Variants in CDIN1 observed in about 807,000 individuals in gnomAD.
CDIN1 encodes the protein CDAN1-interacting nuclease 1.
CDIN1 carries 33 observed loss-of-function variants against 45.3 expected under a neutral mutation model. The ratio of observed to expected loss-of-function variants is 0.73; its 90% confidence interval spans 0.55 to 0.97. CDIN1 has a LOEUF of 0.97. CDIN1 is among the 50% of genes least tolerant of loss of function. The pLI, the probability that CDIN1 is intolerant of heterozygous loss-of-function variation, is 0.00. For synonymous variants in CDIN1, 118 were observed against 124.4 expected (o/e 0.95, Z 0.34); for missense variants, 303 against 339.4 (o/e 0.89, Z 0.84).
intron 8 of CDIN1, 99 bp from the exon 9 acceptor site, chr15:36,709,124 G>T: frequency 1.0e-5 from 10 of 962,934 alleles, no homozygotes; most frequent in Non-Finnish European, 1.3e-5. Context: ...TATGACTACA[G>T]TAGTAATTTT....
chr15:36,745,149 G>GA (rs888499836), intron 10 of CDIN1, among the ~76,000 whole-genome samples: 2 of 151,962 alleles, frequency 1.3e-5, no homozygotes, highest in Admixed American at 1.3e-4. Context: ...AAACTAAAGG[G>GA]AAAAAATTGC....
intron 10 of CDIN1, chr15:36,734,356 C>G: frequency 2.3e-6 from 1 of 430,604 alleles, no homozygotes; most frequent in Non-Finnish European, 4.6e-6. Flanking sequence ...TATAAGAATT[C>G]CAGAGGTACT....
intron 4 of CDIN1, among the ~76,000 whole-genome samples, chr15:36,657,142 T>C (rs1400678444): frequency 6.6e-6 from 1 of 152,168 alleles, no homozygotes; most frequent in African/African-American, 2.4e-5. Flanking sequence ...ACTGGTTCTT[T>C]ATTTTAAAAA....
rs754728175 is a variant in CDIN1 at position 36,691,686 on chromosome 15, C to T, written c.348C>T (p.Pro116=). Residue 116 remains proline, a splice_region_variant and synonymous_variant, in exon 6 of 11, where the codon CCC becomes CCT. Coordinates refer to ENST00000566621, the MANE Select transcript of CDIN1 (RefSeq NM_001321759.2). ...RFLQEHEETP[P]SKSIINSMLR... Reference sequence around the variant, plus strand: ...CAGTTCATCTCTTTTCTTCTACAGCCTCCAAGTCTATTATAAATAGTATGC... The same window carrying T: ...CAGTTCATCTCTTTTCTTCTACAGCTTCCAAGTCTATTATAAATAGTATGC... 1.3e-5 allele frequency: 20 copies of T among 1,590,000 alleles called. No individual in the cohort carries two copies. The highest frequency in any genetic ancestry group is 1.5e-5 in the Non-Finnish European group (18 of 1,164,592).
In CDIN1 at chr15:36,660,495, A is replaced by G. The variant is rs371640570; in HGVS notation, c.346+2590A>G. Among the ~76,000 whole-genome samples the G allele has an allele frequency of 4.6e-5, 7 of 152,320 alleles. No individual in the cohort carries two copies. The South Asian group carries it at 1.0e-3, about 23-fold the overall frequency. On this transcript the variant is annotated intron_variant, in intron 5 of 10. Coordinates refer to ENST00000566621, the MANE Select transcript of CDIN1 (RefSeq NM_001321759.2). ...TCTGTAAAAAGGTATAGCTAATAGC[A>G]TGGGACATATAAGCCATGTAATTTT... is the stretch of plus-strand genomic sequence containing the variant.
intron 1 of CDIN1, among the ~76,000 whole-genome samples, chr15:36,580,285 A>G (rs2140144244): frequency 6.6e-6 from 1 of 152,344 alleles, no homozygotes; most frequent in South Asian, 2.1e-4. Flanking sequence ...ATTGACAGAT[A>G]GTAGGAATGA....
At chr15:36,593,853 C>T (rs6495858) in intron 1 of CDIN1, among the ~76,000 whole-genome samples, 89,726 of 151,510 alleles carry the variant, frequency 0.59, 26,721 homozygotes, top group Middle Eastern at 0.68. Flanking sequence ...CTTGAGCCAC[C>T]GCGCCTGGCT....
rs371600052 is a variant in CDIN1, at chr15:36,686,645, C to T, written c.347-5040C>T. ...TTGTAATCTCAGCACTTTCGGAGGC[C>T]GAGGCAGGTGAATCACTTGAGCCCA... On this transcript the variant is annotated intron_variant, in intron 5 of 10. Coordinates refer to ENST00000566621, the MANE Select transcript of CDIN1 (RefSeq NM_001321759.2). 2.5e-4 allele frequency among the ~76,000 whole-genome samples: 38 copies of T among 150,856 alleles called. No homozygotes were observed. In the East Asian group the frequency reaches 3.5e-3, roughly 14 times the overall value.
At chr15:36,618,950 A>T (rs2039026125) in intron 1 of CDIN1, 2 of 1,552,280 alleles carry the variant, frequency 1.3e-6, no homozygotes, top group African/African-American at 2.8e-5. Flanking sequence ...AAGTTAAGTT[A>T]TGCTGAAGTG....
chr15:36,701,945 T>C (rs2042661119), intron 8 of CDIN1: 1 of 647,316 alleles, frequency 1.5e-6, no homozygotes, highest in Non-Finnish European at 2.8e-6. Context: ...GCTGCTTTAT[T>C]CCTCACCTGA....
chr15:36,699,122 T>A (rs1250671909), intron 8 of CDIN1, among the ~76,000 whole-genome samples: 2 of 152,176 alleles, frequency 1.3e-5, no homozygotes, highest in Non-Finnish European at 2.9e-5. Flanking sequence ...TAAAAATAAA[T>A]GAAATATAGG....
chr15:36,637,643 T>A (rs533103671), intron 1 of CDIN1, among the ~76,000 whole-genome samples: 4 of 152,310 alleles, frequency 2.6e-5, no homozygotes, highest in East Asian at 1.9e-4. Context: ...TGCGTGTGAA[T>A]GTACACCAAG....
At chr15:36,732,485 C>T (rs1402531371) in intron 10 of CDIN1, among the ~76,000 whole-genome samples, 1 of 152,056 alleles carries the variant, frequency 6.6e-6, no homozygotes, top group Non-Finnish European at 1.5e-5. Flanking sequence ...TTAGGCATGA[C>T]AATGCCATTG....
intron 10 of CDIN1, among the ~76,000 whole-genome samples, chr15:36,738,678 G>C (rs961598126): frequency 1.3e-5 from 2 of 152,126 alleles, no homozygotes; most frequent in Non-Finnish European, 2.9e-5. Context: ...TCCAAAGTCA[G>C]ACACATCACC....
intron 1 of CDIN1, chr15:36,618,306 T>A: frequency 1.5e-6 from 1 of 667,760 alleles, no homozygotes; most frequent in Non-Finnish European, 2.7e-6. Flanking sequence ...GTTCAAAAAA[T>A]TTTTCAACTG....
chr15:36,794,034 C>T lies in CDIN1; in HGVS notation c.717-14290C>T, dbSNP rs572331075. On this transcript the variant is annotated intron_variant, in intron 10 of 10. Transcript: ENST00000566621. ...TACTGTGGTGAAAAAAAAAACCCCA[C>T]ATAATATTAAATATGCCATCATAAC... is the stretch of plus-strand genomic sequence containing the variant. 4.4e-3 allele frequency among the ~76,000 whole-genome samples: 628 copies of T among 142,658 alleles called. 8 individuals are homozygous for T. The highest frequency in any genetic ancestry group is 0.015 in the African/African-American group (591 of 40,058). 93.6% of individuals were successfully genotyped at this position (142,658 alleles called of 152,430 possible).
chr15:36,612,553 CA>C (rs2038697878), intron 1 of CDIN1, among the ~76,000 whole-genome samples: 1 of 152,136 alleles, frequency 6.6e-6, no homozygotes, highest in Non-Finnish European at 1.5e-5. Flanking sequence ...TGCATGAGAA[CA>C]AGTTTGTCAC....
rs142008538 is a variant in CDIN1, at chr15:36,786,673, TTA to T, written c.717-21649_717-21648del. Reference sequence around the variant, plus strand: ...CATTCTCTTTCTGCTGTGTCTGCTTTTATCTCTGTTCTTTTCTTCATGATCAA... The same window carrying T: ...CATTCTCTTTCTGCTGTGTCTGCTTTTCTCTGTTCTTTTCTTCATGATCAA... On this transcript the variant is annotated intron_variant, in intron 10 of 10. Coordinates refer to ENST00000566621, the MANE Select transcript of CDIN1 (RefSeq NM_001321759.2). Among the ~76,000 whole-genome samples, 398 of 152,288 alleles carry T rather than the reference TTA, an allele frequency of 2.6e-3. 4 individuals carry two copies. The highest frequency in any genetic ancestry group is 9.2e-3 in the African/African-American group (384 of 41,564).
chr15:36,691,558 A>T, intron 5 of CDIN1, 127 bp from the exon 6 acceptor site: 1 of 628,156 alleles, frequency 1.6e-6, no homozygotes, highest in Non-Finnish European at 2.7e-6. Context: ...AGAAAAAGGA[A>T]AAAATGATTA....
Sources: gnomAD v4.1 joint callset for allele counts (sites outside exome capture counted in the v4.1 genomes callset) on GRCh38, gnomAD v4.1.1 for gene constraint, MANE v1.5 for transcripts, NCBI Gene and HGNC (gene_info 2026-07-23, HGNC 2026-07-21) for gene names.